USP7: variants seen among roughly 807,000 people sequenced by gnomAD.
The protein encoded by USP7 is ubiquitin specific peptidase 7, also known as ubiquitin C-terminal hydrolase 7.
USP7 carries 9 observed loss-of-function variants against 162.9 expected under a neutral mutation model. That is an observed-to-expected ratio of 0.06 (90% CI 0.03 to 0.10). USP7 has a LOEUF of 0.10. Among genes scored for constraint, USP7 ranks in the 10% least tolerant of loss-of-function variants. The probability of loss-of-function intolerance (pLI) is 1.00; values close to 1 mark genes in which losing one functional copy is unlikely to be tolerated. For synonymous variants in USP7, 562 were observed against 475.9 expected, an observed-to-expected ratio of 1.18 and a Z score of -2.35; for missense variants, 715 against 1,373.7, an observed-to-expected ratio of 0.52 and a Z score of 7.58.
At chr16:8,939,605 G>A (rs1481136279) in intron 1 of USP7, among the ~76,000 whole-genome samples, 1 of 152,186 alleles carries the variant, frequency 6.6e-6, no homozygotes, top group East Asian at 1.9e-4. Context: ...GAAATCAACT[G>A]GCCTTCCCTG....
chr16:8,962,140 G>A (rs1900039500), intron 1 of USP7, among the ~76,000 whole-genome samples: 1 of 152,178 alleles, frequency 6.6e-6, no homozygotes, highest in African/African-American at 2.4e-5. Context: ...CTTTTCCTGA[G>A]CTCCCCTGGA....
intron 5 of USP7, 85 bp from the exon 6 acceptor site, chr16:8,919,224 A>G: frequency 1.4e-6 from 2 of 1,382,734 alleles, no homozygotes; most frequent in Non-Finnish European, 2.1e-6. Flanking sequence ...ACTCAAGGTC[A>G]GCCTTAAGGA....
chr16:8,946,321 C>T (rs968065769), intron 1 of USP7, among the ~76,000 whole-genome samples: 6 of 152,070 alleles, frequency 3.9e-5, no homozygotes, highest in South Asian at 2.1e-4. Flanking sequence ...TGGCTTAAGC[C>T]GGTAATCCCA....
At chr16:8,957,009 A>C (rs1030717834) in intron 1 of USP7, among the ~76,000 whole-genome samples, 1 of 152,182 alleles carries the variant, frequency 6.6e-6, no homozygotes, top group African/African-American at 2.4e-5. Context: ...CCTCTGTCTC[A>C]GGAGTGTCAT....
chr16:8,922,577 G>C (rs191548041), intron 3 of USP7, among the ~76,000 whole-genome samples: 1 of 152,340 alleles, frequency 6.6e-6, no homozygotes, highest in Admixed American at 6.5e-5. Context: ...ACTCTGTGGC[G>C]TGGCAGGGAG....
intron 2 of USP7, 72 bp downstream of exon 2, chr16:8,930,221 C>A: frequency 8.2e-7 from 1 of 1,216,220 alleles, no homozygotes; most frequent in Non-Finnish European, 1.2e-6. Context: ...CCAAGAAGTA[C>A]CAAGCATGGA....
chr16:8,914,916 A>T (rs1405217550), intron 10 of USP7, among the ~76,000 whole-genome samples: 1 of 152,232 alleles, frequency 6.6e-6, no homozygotes, highest in Non-Finnish European at 1.5e-5. Flanking sequence ...ATCTCAAAAA[A>T]CAACAGCGAA....
At chr16:8,926,645 T>C (rs796405383) in intron 2 of USP7, among the ~76,000 whole-genome samples, 3 of 152,300 alleles carry the variant, frequency 2.0e-5, no homozygotes, top group African/African-American at 7.2e-5. Context: ...CTGGATCCTA[T>C]GTATTATTTT....
intron 3 of USP7, among the ~76,000 whole-genome samples, chr16:8,922,246 T>C (rs1897734313): frequency 6.6e-6 from 1 of 152,222 alleles, no homozygotes; most frequent in Non-Finnish European, 1.5e-5. Context: ...CCCAGCACTT[T>C]GGCAGGCCGA....
intron 7 of USP7, 84 bp downstream of exon 7, chr16:8,916,942 A>G: frequency 7.0e-7 from 1 of 1,437,960 alleles, no homozygotes; most frequent in Non-Finnish European, 9.1e-7. Flanking sequence ...TGCTCTACTA[A>G]CTTTTCTATT....
intron 2 of USP7, among the ~76,000 whole-genome samples, chr16:8,926,503 G>C (rs555196909): frequency 6.6e-6 from 1 of 151,960 alleles, no homozygotes; most frequent in East Asian, 1.9e-4. Context: ...CAAGATAGGA[G>C]GGCCAAAAAA....
intron 21 of USP7, chr16:8,900,236 T>A: frequency 3.0e-6 from 1 of 332,050 alleles, no homozygotes. Context: ...TTCTAAGGAG[T>A]TTCGATTTCA....
intron 15 of USP7, among the ~76,000 whole-genome samples, chr16:8,903,637 C>T (rs1316696521): frequency 1.3e-5 from 2 of 152,036 alleles, no homozygotes; most frequent in South Asian, 2.1e-4. Context: ...GAGGCCGAGG[C>T]GGGCGGATCA....
chr16:8,940,351 G>C (rs1596404208), intron 1 of USP7, among the ~76,000 whole-genome samples: 1 of 152,226 alleles, frequency 6.6e-6, no homozygotes, highest in Non-Finnish European at 1.5e-5. Context: ...AAATGCTCTG[G>C]TGAGCTCCAG....
At chr16:8,961,411 G>C (rs922469012) in intron 1 of USP7, among the ~76,000 whole-genome samples, 5 of 147,828 alleles carry the variant, frequency 3.4e-5, no homozygotes, top group African/African-American at 1.3e-4. Flanking sequence ...AAAATCGCTT[G>C]AACCCGGGAG....
chr16:8,901,305 A>T, intron 18 of USP7, 71 bp from the exon 19 acceptor site: 3 of 1,046,508 alleles, frequency 2.9e-6, no homozygotes, highest in Non-Finnish European at 4.1e-6. Context: ...CAAAAAAACA[A>T]ACAAACAAAA....
intron 14 of USP7, 42 bp downstream of exon 14, chr16:8,905,145 T>C (rs2061840345): frequency 1.3e-6 from 2 of 1,597,476 alleles, no homozygotes; most frequent in Non-Finnish European, 1.7e-6. Flanking sequence ...AATGTCCAAG[T>C]CCACCACAGT....
Position 8,923,286 on chromosome 16 carries a change from G to C in USP7, c.312C>G (p.Arg104=), listed in dbSNP as rs1897805457. 1.3e-6 allele frequency: 2 copies of C among 1,570,066 alleles called. No individual in the cohort carries two copies. The highest frequency in any genetic ancestry group is 8.6e-7 in the Non-Finnish European group (1 of 1,159,610). The stretch of plus-strand genomic sequence containing the variant: ...TTTGGTGTGGTCTGTCTGGATAAAA[G>C]CGTGGCATCACCATAATCTTCCATG... The part of the protein sequence containing the change: ...NLPWKIMVMP[R]FYPDRPHQKS... The change falls in exon 3 of 31, where the codon CGC becomes CGG. Residue 104 remains arginine (R), a synonymous_variant. Transcript: ENST00000344836.
chr16:8,962,423 C>A (rs1192847688), intron 1 of USP7: 1 of 422,248 alleles, frequency 2.4e-6, no homozygotes, highest in East Asian at 7.2e-5. Context: ...CTCTATACCT[C>A]AAACTACAGT....
Sources: gnomAD v4.1 joint callset for allele counts (sites outside exome capture counted in the v4.1 genomes callset) on GRCh38, gnomAD v4.1.1 for gene constraint, MANE v1.5 for transcripts, NCBI Gene and HGNC (gene_info 2026-07-23, HGNC 2026-07-21) for gene names.